Variants in CADPS2 observed in about 807,000 individuals in gnomAD.
CADPS2 encodes calcium dependent secretion activator 2.
CADPS2 carries 93 observed loss-of-function variants against 172.5 expected under a neutral mutation model. That is an observed-to-expected ratio of 0.54 (90% CI 0.46 to 0.64). The LOEUF is 0.64. Among genes scored for constraint, CADPS2 ranks in the 30% least tolerant of loss-of-function variants. The pLI, the probability that CADPS2 is intolerant of heterozygous loss-of-function variation, is 0.00. For missense variants in CADPS2, 1,420 were observed against 1,565.9 expected, an observed-to-expected ratio of 0.91 and a Z score of 1.57; for synonymous variants, 546 against 555.2, an observed-to-expected ratio of 0.98 and a Z score of 0.23.
At chr7:122,402,563 G>A (rs914254246) in intron 20 of CADPS2, among the ~76,000 whole-genome samples, 12 of 152,112 alleles carry the variant, frequency 7.9e-5, no homozygotes, top group Admixed American at 2.0e-4. Context: ...CAATTAGGAC[G>A]ACTGAATTAT....
At chr7:122,867,823 A>G (rs1818704358) in intron 1 of CADPS2, among the ~76,000 whole-genome samples, 2 of 152,298 alleles carry the variant, frequency 1.3e-5, no homozygotes, top group South Asian at 2.1e-4. Flanking sequence ...GCCAACAACA[A>G]TGAAAGAGAA....
At chr7:122,490,338 C>A in intron 10 of CADPS2, 57 bp from the exon 11 acceptor site, 1 of 1,421,570 alleles carries the variant, frequency 7.0e-7, no homozygotes, top group South Asian at 1.2e-5. Flanking sequence ...AGATTTTCGT[C>A]TCATTCACTA....
chr7:122,809,253 T>A (rs551272743), intron 1 of CADPS2, among the ~76,000 whole-genome samples: 21 of 152,146 alleles, frequency 1.4e-4, no homozygotes, highest in African/African-American at 5.1e-4. Context: ...TGATATGGTA[T>A]CTCTTTAAAT....
chr7:122,371,729 G>A (rs1440006719), intron 25 of CADPS2, among the ~76,000 whole-genome samples: 1 of 152,132 alleles, frequency 6.6e-6, no homozygotes, highest in African/African-American at 2.4e-5. Flanking sequence ...AGGCAGAAAA[G>A]GGAGTGTTTA....
chr7:122,406,646 C>T (rs2046681327), intron 20 of CADPS2, among the ~76,000 whole-genome samples: 1 of 152,130 alleles, frequency 6.6e-6, no homozygotes, highest in Non-Finnish European at 1.5e-5. Context: ...TATCGTGAGA[C>T]AGAGTTGTTT....
intron 29 of CADPS2, among the ~76,000 whole-genome samples, chr7:122,321,089 A>G (rs909214020): frequency 2.0e-5 from 3 of 152,270 alleles, no homozygotes; most frequent in Admixed American, 2.0e-4. Context: ...AGACAACAAA[A>G]TCCAACAATA....
At chr7:122,541,680 TA>T (rs1358503417) in intron 8 of CADPS2, among the ~76,000 whole-genome samples, 1 of 146,140 alleles carries the variant, frequency 6.8e-6, no homozygotes, top group African/African-American at 2.5e-5. Flanking sequence ...TATGTTTATA[TA>T]TTTATTCATA....
At chr7:122,388,803 T>C in intron 22 of CADPS2, 65 bp from the exon 23 acceptor site, 1 of 1,372,902 alleles carries the variant, frequency 7.3e-7, no homozygotes, top group Non-Finnish European at 9.7e-7. Context: ...ATTAATACAT[T>C]GTTTTTTCTT....
chr7:122,835,425 C>A lies in CADPS2; in HGVS notation c.339+50574G>T, dbSNP rs182524941. 4.7e-4 allele frequency among the ~76,000 whole-genome samples: 71 copies of A among 152,340 alleles called. No individual in the cohort carries two copies. In the East Asian group the frequency reaches 0.013, roughly 28 times the overall value. Reference sequence around the variant, plus strand: ...GCTCCTCGCCAGCAATGGAACAAAGCTGGATGGAGAATGACTTTGACGAGT... The same window carrying A: ...GCTCCTCGCCAGCAATGGAACAAAGATGGATGGAGAATGACTTTGACGAGT... On this transcript the variant is annotated intron_variant, in intron 1 of 29. Transcript: ENST00000449022.
At position 122,320,035 on chromosome 7, in the gene CADPS2, A is replaced by T; in HGVS notation, c.*130T>A. The stretch of plus-strand genomic sequence containing the variant: ...CCCCTTTTACTCTACATTCAGGCTT[A>T]CTTTTTAAAGAAATACAAGCATTTT... On this transcript the variant is annotated 3_prime_UTR_variant, in exon 30 of 30. Coordinates refer to ENST00000449022, the MANE Select transcript of CADPS2 (RefSeq NM_017954.11). 1 of 940,236 alleles carries T rather than the reference A, an allele frequency of 1.1e-6. No individual in the cohort carries two copies. The highest frequency in any genetic ancestry group is 1.4e-6 in the Non-Finnish European group (1 of 694,330). 58.2% of individuals were successfully genotyped at this position (940,236 alleles called of 1,614,324 possible). A position where few individuals can be genotyped will look rare whatever the true frequency, so the allele number is the denominator to read the frequency against.
At chr7:122,625,733 G>T (rs928116866) in intron 4 of CADPS2, among the ~76,000 whole-genome samples, 1 of 152,036 alleles carries the variant, frequency 6.6e-6, no homozygotes, top group Non-Finnish European at 1.5e-5. Context: ...AGCCGTGGGA[G>T]CCAATTCCTT....
Position 122,491,392 on chromosome 7 carries a change from C to T in CADPS2, c.1571G>A (p.Ser524Asn), listed in dbSNP as rs2058268075. The T allele has an allele frequency of 6.2e-7, 1 of 1,610,182 alleles. No individual in the cohort carries two copies. Among genetic ancestry groups the T allele is most frequent in the Non-Finnish European group, 8.5e-7 (1 of 1,177,984 alleles). The change falls in exon 10 of 30, where the codon AGT (serine) becomes AAT (asparagine). Residue 524 changes from serine (S) to asparagine (N), a missense_variant. Ser to Asn is a conservative substitution (Grantham distance 46, BLOSUM62 1). Coordinates refer to ENST00000449022, the MANE Select transcript of CADPS2 (RefSeq NM_017954.11). ...TGGTTCAGACTTCTTTTCTCTATAA[C>T]TGCACATAGCAAAGGTATATTGGCT... ...QVSQYTFAMC[S>N]YREKKSEPQE...
At chr7:122,719,912 G>A (rs1190277578) in intron 2 of CADPS2, among the ~76,000 whole-genome samples, 1 of 152,016 alleles carries the variant, frequency 6.6e-6, no homozygotes, top group Non-Finnish European at 1.5e-5. Context: ...GTCATTTGTT[G>A]TAACATAGAA....
intron 17 of CADPS2, among the ~76,000 whole-genome samples, chr7:122,423,307 T>C (rs2048757743): frequency 6.6e-6 from 1 of 152,070 alleles, no homozygotes; most frequent in South Asian, 2.1e-4. Context: ...ATTAGGTACT[T>C]CCTTGCCCAT....
chr7:122,380,054 A>C (rs1198923123), intron 24 of CADPS2, among the ~76,000 whole-genome samples: 1 of 152,044 alleles, frequency 6.6e-6, no homozygotes, highest in African/African-American at 2.4e-5. Context: ...ATGAAACATC[A>C]CTCACTCCCC....
chr7:122,403,037 G>A (rs905651138), intron 20 of CADPS2, among the ~76,000 whole-genome samples: 2 of 152,150 alleles, frequency 1.3e-5, no homozygotes, highest in African/African-American at 4.8e-5. Flanking sequence ...TTTCCAAAAG[G>A]ACAATTTGGG....
intron 8 of CADPS2, among the ~76,000 whole-genome samples, chr7:122,519,048 T>C (rs539984073): frequency 1.3e-5 from 2 of 151,524 alleles, no homozygotes; most frequent in South Asian, 4.2e-4. Flanking sequence ...TTCATGGCCA[T>C]GCTACATTCT....
intron 1 of CADPS2, among the ~76,000 whole-genome samples, chr7:122,854,575 G>A (rs1337996506): frequency 1.3e-5 from 2 of 152,158 alleles, no homozygotes; most frequent in Non-Finnish European, 2.9e-5. Flanking sequence ...GCCTAGCTGT[G>A]CCAGAACAAG....
At chr7:122,641,199 C>T (rs1307397142) in intron 3 of CADPS2, among the ~76,000 whole-genome samples, 1 of 152,064 alleles carries the variant, frequency 6.6e-6, no homozygotes, top group Non-Finnish European at 1.5e-5. Context: ...TTTAAAAGGG[C>T]CGTTAATCCT....
Sources: allele counts gnomAD v4.1 joint callset (sites outside exome capture counted in the v4.1 genomes callset), GRCh38; gene constraint gnomAD v4.1.1; transcripts MANE v1.5; gene names NCBI Gene and HGNC (gene_info 2026-07-23, HGNC 2026-07-21).